The following SLX9 variants were observed in gnomAD, a reference collection of about 807,000 sequenced individuals.
SLX9 encodes the protein SLX9 ribosome biogenesis factor.
In SLX9, 19 loss-of-function variants were observed where a neutral mutation model predicts 20.8. The observed-to-expected ratio is 0.91, with a 90% CI of 0.64 to 1.34. The LOEUF (loss-of-function observed/expected upper bound fraction) is 1.34, where lower values mean the gene tolerates loss of function less well. SLX9 is among the 40% of genes most tolerant of loss of function. The probability of loss-of-function intolerance (pLI) is 0.00; values close to 1 mark genes in which losing one functional copy is unlikely to be tolerated. For synonymous variants in SLX9, 113 were observed against 137.1 expected (o/e 0.82, Z 1.23); for missense variants, 299 against 322.2 (o/e 0.93, Z 0.55).
In SLX9 at chr21:44,976,747, G is replaced by A; in HGVS notation, c.637G>A (p.Ala213Thr). 1.3e-6 allele frequency: 2 copies of A among 1,562,548 alleles called. No homozygotes were observed. The highest frequency in any genetic ancestry group is 1.7e-6 in the Non-Finnish European group (2 of 1,154,668). ...GGCCTACAGAGCCAGCCCCCTGGTG[G>A]CCATCGGGCAGACGCTGGCCCGGCA... ...SPAYRASPLV[A>T]IGQTLARQMQ... Residue 213 changes from alanine to threonine, a missense_variant, in exon 6 of 6, where the codon GCC (alanine) becomes ACC (threonine). Transcript: ENST00000291634.
intron 3 of SLX9, among the ~76,000 whole-genome samples, chr21:44,962,266 G>T (rs899273873): frequency 1.3e-5 from 2 of 152,050 alleles, no homozygotes; most frequent in Non-Finnish European, 2.9e-5. Flanking sequence ...CTGAAATCCT[G>T]TTCAGGTTAT....
chr21:44,953,015 T>C (rs1346282334), intron 2 of SLX9, among the ~76,000 whole-genome samples: 1 of 152,110 alleles, frequency 6.6e-6, no homozygotes, highest in Non-Finnish European at 1.5e-5. Context: ...CATTCTGACT[T>C]GCAGGTGCCA....
intron 3 of SLX9, among the ~76,000 whole-genome samples, chr21:44,960,824 G>C (rs780003861): frequency 6.6e-6 from 1 of 152,122 alleles, no homozygotes; most frequent in African/African-American, 2.4e-5. Flanking sequence ...TCGTGATGCT[G>C]GATATTTGCC....
Position 44,964,779 on chromosome 21 carries a change from G to A in SLX9, c.353-2255G>A, listed in dbSNP as rs559003375. Among the ~76,000 whole-genome samples the A allele has an allele frequency of 9.8e-5, 15 of 152,324 alleles. No individual in the cohort carries two copies. The East Asian group carries it at 2.5e-3, about 25-fold the overall frequency. On this transcript the variant is annotated intron_variant, in intron 3 of 5. Transcript: ENST00000291634. ...CATTTAAAAATTTGCCAGTCTATGAGGTGCAACATTTCCTTGATTTCTAAT... is the reference window on the plus strand; with the variant it reads ...CATTTAAAAATTTGCCAGTCTATGAAGTGCAACATTTCCTTGATTTCTAAT...
At position 44,960,188 on chromosome 21, in the gene SLX9, T is replaced by A. The variant is rs201700700; in HGVS notation, c.352+20T>A. On this transcript the variant is annotated intron_variant, in intron 3 of 5. Transcript: ENST00000291634. ...TGCAGAGTAAGTCCATGCCTGCGTC[T>A]TGAGGCAGCTGCCGGCCCAAGTCCC... 1.4e-5 allele frequency: 22 copies of A among 1,612,598 alleles called. No homozygotes were observed. In the Admixed American group the frequency reaches 1.8e-4, roughly 13 times the overall value.
chr21:44,966,992 T>C, intron 3 of SLX9, 42 bp from the exon 4 acceptor site: 1 of 1,574,208 alleles, frequency 6.4e-7, no homozygotes. Context: ...GGGCTCCTCC[T>C]CTGCCTCTTG....
At chr21:44,956,504 T>G (rs867608512) in intron 2 of SLX9, among the ~76,000 whole-genome samples, 1 of 152,300 alleles carries the variant, frequency 6.6e-6, no homozygotes, top group South Asian at 2.1e-4. Flanking sequence ...ATGTGCCGCT[T>G]CAGCTGGTGA....
intron 2 of SLX9, among the ~76,000 whole-genome samples, chr21:44,956,008 G>A (rs902904547): frequency 2.2e-4 from 33 of 152,248 alleles, no homozygotes; most frequent in Admixed American, 2.1e-3. Context: ...TGCTGATGCG[G>A]ACGCCAGCCT....
At chr21:44,949,830 C>T (rs1012662029) in intron 2 of SLX9, among the ~76,000 whole-genome samples, 5 of 152,206 alleles carry the variant, frequency 3.3e-5, no homozygotes, top group Non-Finnish European at 5.9e-5. Context: ...GGTGATTGTA[C>T]CTGCTTAGAC....
Position 44,966,938 on chromosome 21 carries a change from C to T in SLX9, c.353-96C>T, listed in dbSNP as rs544052465. Reference sequence around the variant, plus strand: ...GCGGGAAGGAGAGAGGCAGCAGGGCCGGGCACCCTGCCAGGTCTCTCGTGG... The same window carrying T: ...GCGGGAAGGAGAGAGGCAGCAGGGCTGGGCACCCTGCCAGGTCTCTCGTGG... On this transcript the variant is annotated intron_variant, in intron 3 of 5. Transcript: ENST00000291634. 306 of 1,485,230 alleles carry T rather than the reference C, an allele frequency of 2.1e-4. 1 individual carries two copies. Among genetic ancestry groups the T allele is most frequent in the African/African-American group, 2.1e-4 (15 of 71,852 alleles). 92.0% of individuals were successfully genotyped at this position (1,485,230 alleles called of 1,614,324 possible). A position where few individuals can be genotyped will look rare whatever the true frequency, so the allele number is the denominator to read the frequency against.
At chr21:44,973,336 GGTTCA>G in intron 5 of SLX9, 71 bp downstream of exon 5, 1 of 1,488,824 alleles carries the variant, frequency 6.7e-7, no homozygotes, top group Non-Finnish European at 9.2e-7. Flanking sequence ...CCTCTCCAGG[GGTTCA>G]GCTCCTATGT....
chr21:44,974,184 G>A (rs942984556), intron 5 of SLX9, among the ~76,000 whole-genome samples: 5 of 152,212 alleles, frequency 3.3e-5, no homozygotes, highest in African/African-American at 1.2e-4. Context: ...GTTAGCTGCT[G>A]GGATGATTTT....
At chr21:44,971,192 G>A (rs963076517) in intron 4 of SLX9, among the ~76,000 whole-genome samples, 5 of 34,356 alleles carry the variant, frequency 1.5e-4, no homozygotes, top group Non-Finnish European at 4.0e-4. Context: ...TGGTGGTGAC[G>A]CCGCTGCTCC....
At chr21:44,961,999 C>G (rs1336615650) in intron 3 of SLX9, among the ~76,000 whole-genome samples, 1 of 152,064 alleles carries the variant, frequency 6.6e-6, no homozygotes, top group Non-Finnish European at 1.5e-5. Context: ...TACCCTGTAC[C>G]CACCACACAG....
intron 3 of SLX9, among the ~76,000 whole-genome samples, chr21:44,966,750 G>A (rs752419417): frequency 1.2e-4 from 18 of 152,236 alleles, no homozygotes; most frequent in Non-Finnish European, 2.4e-4. Flanking sequence ...CGCGTGCTCC[G>A]GCCACAGTTG....
At chr21:44,969,747 TA>T (rs1356613064) in intron 4 of SLX9, among the ~76,000 whole-genome samples, 9 of 148,566 alleles carry the variant, frequency 6.1e-5, no homozygotes, top group African/African-American at 2.4e-4. Flanking sequence ...GAGCGTTAAG[TA>T]ATTAATAGTT....
At chr21:44,972,050 C>G (rs1024114175) in intron 4 of SLX9, among the ~76,000 whole-genome samples, 4 of 152,154 alleles carry the variant, frequency 2.6e-5, no homozygotes, top group African/African-American at 9.7e-5. Flanking sequence ...CTATTTTGGG[C>G]AGACACAAAA....
At chr21:44,962,828 C>T (rs2084968248) in intron 3 of SLX9, among the ~76,000 whole-genome samples, 1 of 152,150 alleles carries the variant, frequency 6.6e-6, no homozygotes, top group Non-Finnish European at 1.5e-5. Flanking sequence ...CAACACATGG[C>T]CTGCCGTCTC....
chr21:44,944,886 G>A (rs2084614861), intron 2 of SLX9, among the ~76,000 whole-genome samples: 1 of 152,240 alleles, frequency 6.6e-6, no homozygotes, highest in African/African-American at 2.4e-5. Flanking sequence ...TGTCAAAGGA[G>A]GTAACAGTAT....
Sources: gnomAD v4.1 joint callset for allele counts (sites outside exome capture counted in the v4.1 genomes callset) on GRCh38, gnomAD v4.1.1 for gene constraint, MANE v1.5 for transcripts, NCBI Gene and HGNC (gene_info 2026-07-23, HGNC 2026-07-21) for gene names.